CCDC102B: variants seen among roughly 807,000 people sequenced by gnomAD.
The protein encoded by CCDC102B is coiled-coil domain containing 102B, also known as coiled-coil domain-containing protein 102B.
Under a neutral mutation model 57.4 loss-of-function variants are expected in CCDC102B, and 75 were observed. That is an observed-to-expected ratio of 1.31 (90% CI 1.08 to 1.58). CCDC102B has a LOEUF of 1.58. Ranked by LOEUF, CCDC102B falls within the 40% of genes most tolerant of loss-of-function variation. The probability of loss-of-function intolerance (pLI) is 0.00; values close to 1 mark genes in which losing one functional copy is unlikely to be tolerated. For synonymous variants in CCDC102B, 206 were observed against 201.9 expected (o/e 1.02, Z -0.17); for missense variants, 636 against 582.6 (o/e 1.09, Z -0.94).
intron 6 of CCDC102B, among the ~76,000 whole-genome samples, chr18:68,954,368 C>T (rs554181930): frequency 1.3e-5 from 2 of 152,108 alleles, no homozygotes; most frequent in South Asian, 4.2e-4. Flanking sequence ...TGTAGTGAGC[C>T]GAGATCATGC....
At chr18:68,966,944 A>G (rs1011163707) in intron 6 of CCDC102B, among the ~76,000 whole-genome samples, 5 of 152,084 alleles carry the variant, frequency 3.3e-5, no homozygotes, top group Admixed American at 3.3e-4. Context: ...GTGGATTAAG[A>G]CTTTTGTTCA....
chr18:68,717,260 T>G (rs1568214435), intron 2 of CCDC102B, among the ~76,000 whole-genome samples: 1 of 152,036 alleles, frequency 6.6e-6, no homozygotes, highest in African/African-American at 2.4e-5. Context: ...TAAATACCAA[T>G]TAAGTATTTC....
At chr18:68,772,522 C>T (rs2034673921) in intron 2 of CCDC102B, among the ~76,000 whole-genome samples, 2 of 151,372 alleles carry the variant, frequency 1.3e-5, no homozygotes, top group Admixed American at 6.6e-5. Context: ...TTCTGTTTTG[C>T]TTTGAACTTT....
intron 6 of CCDC102B, among the ~76,000 whole-genome samples, chr18:68,915,444 G>T (rs1310698745): frequency 6.6e-6 from 1 of 152,096 alleles, no homozygotes; most frequent in East Asian, 1.9e-4. Context: ...CACAATTTGG[G>T]TGAATGTAGT....
intron 1 of CCDC102B, among the ~76,000 whole-genome samples, chr18:68,834,129 G>T (rs1332996005): frequency 6.6e-6 from 1 of 152,046 alleles, no homozygotes; most frequent in Non-Finnish European, 1.5e-5. Flanking sequence ...AGGACTGACT[G>T]ATTAAGCCCA....
At chr18:68,925,756 G>A (rs1431902045) in intron 6 of CCDC102B, among the ~76,000 whole-genome samples, 1 of 151,914 alleles carries the variant, frequency 6.6e-6, no homozygotes, top group Non-Finnish European at 1.5e-5. Context: ...GATATCAGCT[G>A]TTTTATAAGG....
rs372067014 is a variant in CCDC102B at position 69,011,000 on chromosome 18, C to A, written c.1330C>A (p.Leu444Met). 1.9e-5 allele frequency: 30 copies of A among 1,613,554 alleles called. No homozygotes were observed. Among genetic ancestry groups the A allele is most frequent in the Non-Finnish European group, 2.5e-5 (29 of 1,179,706 alleles). Reference sequence around the variant, plus strand: ...ACAATACCAGGCAAATATTGCAGAACTGACTCATGCAAACAACCGAGTGGA... The same window carrying A: ...ACAATACCAGGCAAATATTGCAGAAATGACTCATGCAAACAACCGAGTGGA... ...NRQYQANIAE[L>M]THANNRVDQN... The change falls in exon 7 of 8, where the codon CTG (leucine) becomes ATG (methionine). Residue 444 changes from leucine to methionine, a missense_variant. Transcript: ENST00000360242.
chr18:68,942,213 C>G (rs2049396853), intron 6 of CCDC102B, among the ~76,000 whole-genome samples: 1 of 152,040 alleles, frequency 6.6e-6, no homozygotes, highest in Non-Finnish European at 1.5e-5. Context: ...AATATTTCAA[C>G]TTTAAGAGTC....
chr18:68,928,411 G>A (rs1048355694), intron 6 of CCDC102B, among the ~76,000 whole-genome samples: 6 of 151,862 alleles, frequency 4.0e-5, no homozygotes, highest in African/African-American at 1.4e-4. Context: ...GCTGGCAAAC[G>A]AAGCTGAGGA....
intron 6 of CCDC102B, among the ~76,000 whole-genome samples, chr18:68,991,334 A>C (rs1325923349): frequency 5.3e-5 from 8 of 152,224 alleles, no homozygotes. Context: ...TGATTTATCA[A>C]ATGAAATTAA....
At chr18:68,934,028 C>G (rs892612838) in intron 6 of CCDC102B, among the ~76,000 whole-genome samples, 2 of 151,742 alleles carry the variant, frequency 1.3e-5, no homozygotes, top group African/African-American at 4.8e-5. Flanking sequence ...TGTCCTTTCA[C>G]CTATGAAGAA....
At chr18:68,895,955 C>G (rs1024449383) in intron 5 of CCDC102B, among the ~76,000 whole-genome samples, 63 of 151,898 alleles carry the variant, frequency 4.1e-4, no homozygotes, top group African/African-American at 1.5e-3. Context: ...TTTATATTAC[C>G]ACAGTGTTTC....
chr18:68,995,764 A>G (rs1371573857), intron 6 of CCDC102B, among the ~76,000 whole-genome samples: 1 of 152,128 alleles, frequency 6.6e-6, no homozygotes, highest in Non-Finnish European at 1.5e-5. Context: ...CAGAGTCCCG[A>G]CTGGGAAACT....
intron 6 of CCDC102B, among the ~76,000 whole-genome samples, chr18:69,009,546 G>A (rs1471683592): frequency 1.3e-5 from 2 of 152,000 alleles, no homozygotes; most frequent in African/African-American, 2.4e-5. Context: ...TACTGTGATT[G>A]AATTTATCAT....
chr18:68,790,553 C>T (rs12606134), intron 2 of CCDC102B, among the ~76,000 whole-genome samples: 2 of 152,120 alleles, frequency 1.3e-5, no homozygotes, highest in Admixed American at 6.5e-5. Flanking sequence ...TCAAGCCCGT[C>T]GGAAAAGTGC....
At chr18:68,831,464 G>C (rs956169918) in intron 1 of CCDC102B, among the ~76,000 whole-genome samples, 1 of 152,060 alleles carries the variant, frequency 6.6e-6, no homozygotes, top group Non-Finnish European at 1.5e-5. Context: ...TGGCAAACAT[G>C]ACATTGTTTT....
At chr18:68,730,072 A>G (rs983575062) in intron 2 of CCDC102B, among the ~76,000 whole-genome samples, 7 of 152,204 alleles carry the variant, frequency 4.6e-5, no homozygotes, top group African/African-American at 1.7e-4. Context: ...TGGTTGTAGA[A>G]CAATGGGAAT....
chr18:68,737,549 G>C (rs916330706), intron 2 of CCDC102B, among the ~76,000 whole-genome samples: 2 of 151,832 alleles, frequency 1.3e-5, no homozygotes, highest in Non-Finnish European at 2.9e-5. Flanking sequence ...TGTGAAGGGA[G>C]GGTTTTCTCA....
At position 68,846,317 on chromosome 18, in the gene CCDC102B, C is replaced by A. The variant is rs368864406; in HGVS notation, c.832C>A (p.Arg278Ser). ...TTTAATTCTTAAATTATTTAGAATG[C>A]GCACAGCTTTGGAAAAAGAAATAGA... is the stretch of plus-strand genomic sequence containing the variant. ...QKILWKEREMRTALEKEIERL... is the reference protein window; with the variant it reads ...QKILWKEREMSTALEKEIERL... The change falls in exon 4 of 8, where the codon CGC (arginine) becomes AGC (serine). Residue 278 changes from arginine (R) to serine (S), a missense_variant. Transcript: ENST00000360242. 6.6e-7 allele frequency: 1 copy of A among 1,519,868 alleles called. No homozygotes were observed. The highest frequency in any genetic ancestry group is 8.8e-7 in the Non-Finnish European group (1 of 1,140,120). The allele number at this position is 1,519,868 out of a possible 1,614,324, so 94.1% of individuals were successfully genotyped here. A position where few individuals can be genotyped will look rare whatever the true frequency, so the allele number is the denominator to read the frequency against.
Sources: gnomAD v4.1 joint callset for allele counts (sites outside exome capture counted in the v4.1 genomes callset) on GRCh38, gnomAD v4.1.1 for gene constraint, MANE v1.5 for transcripts, NCBI Gene and HGNC (gene_info 2026-07-23, HGNC 2026-07-21) for gene names.